Variants in NKAIN2 observed in about 807,000 individuals in gnomAD.
NKAIN2 encodes sodium/potassium transporting ATPase interacting 2, also known as sodium/potassium-transporting ATPase subunit beta-1-interacting protein 2.
Under a neutral mutation model 32.6 loss-of-function variants are expected in NKAIN2, and 14 were observed. That is an observed-to-expected ratio of 0.43 (90% CI 0.28 to 0.67). The LOEUF is 0.67. Ranked by LOEUF, NKAIN2 falls within the 30% of genes least tolerant of loss-of-function variation. NKAIN2 has a pLI of 0.17. For synonymous variants in NKAIN2, 80 were observed against 87.2 expected (o/e 0.92, Z 0.46); for missense variants, 198 against 258.3 (o/e 0.77, Z 1.60).
chr6:124,815,225 CATATATATATATATATGTATATATGT>C (rs1389800560), intron 5 of NKAIN2, among the ~76,000 whole-genome samples: 28 of 136,994 alleles, frequency 2.0e-4, no homozygotes, highest in African/African-American at 7.4e-4. Flanking sequence ...TATATATATA[CATATATATATATATATGTATATATGT>C]ATATATATAT....
intron 3 of NKAIN2, among the ~76,000 whole-genome samples, chr6:124,568,996 C>T (rs945848318): frequency 2.6e-5 from 4 of 152,172 alleles, no homozygotes; most frequent in Admixed American, 2.6e-4. Flanking sequence ...TTATTCCCAT[C>T]TCTATTGGTT....
At position 123,958,632 on chromosome 6, in the gene NKAIN2, A is replaced by T. The variant is rs147010789; in HGVS notation, c.54+154378A>T. Among the ~76,000 whole-genome samples the T allele has an allele frequency of 9.3e-4, 142 of 152,362 alleles. No individual in the cohort carries two copies. In the East Asian group the frequency reaches 0.023, roughly 25 times the overall value. ...TTTAATACTTGCACATTGGTAATTA[A>T]ATTTCAACATATGAATTTTGGAAGG... On this transcript the variant is annotated intron_variant, in intron 1 of 6. Coordinates refer to ENST00000368417, the MANE Select transcript of NKAIN2 (RefSeq NM_001040214.3).
chr6:124,745,312 G>C (rs558813267), intron 4 of NKAIN2, among the ~76,000 whole-genome samples: 1 of 151,800 alleles, frequency 6.6e-6, no homozygotes, highest in Non-Finnish European at 1.5e-5. Flanking sequence ...CAAACACTTA[G>C]AAGCATACAG....
chr6:124,012,123 T>C (rs1258310149), intron 1 of NKAIN2, among the ~76,000 whole-genome samples: 1 of 152,074 alleles, frequency 6.6e-6, no homozygotes, highest in Admixed American at 6.6e-5. Context: ...TGTATGTATA[T>C]AGCATGAAAT....
intron 3 of NKAIN2, among the ~76,000 whole-genome samples, chr6:124,366,440 T>C (rs11154231): frequency 0.23 from 35,229 of 151,666 alleles, 4,195 homozygotes; most frequent in Admixed American, 0.3. Flanking sequence ...TTAATCAAAA[T>C]CTTTTGACAG....
chr6:124,812,363 G>T lies in NKAIN2; in HGVS notation c.536-6024G>T, dbSNP rs534849299. Among the ~76,000 whole-genome samples the T allele has an allele frequency of 6.6e-5, 10 of 152,276 alleles. No homozygotes were observed. The South Asian group carries it at 2.1e-3, about 32-fold the overall frequency. On this transcript the variant is annotated intron_variant, in intron 5 of 6. Transcript: ENST00000368417. ...CTTATTTTCCTTTACAGCCTAAAGG[G>T]TCTAAGAGTTTATTTGGTAAATACC...
chr6:124,565,798 C>T (rs1780888473), intron 3 of NKAIN2, among the ~76,000 whole-genome samples: 1 of 152,156 alleles, frequency 6.6e-6, no homozygotes, highest in African/African-American at 2.4e-5. Context: ...TTAGAAGCTT[C>T]GATCCAAGGG....
At chr6:124,356,078 G>A (rs576421806) in intron 3 of NKAIN2, among the ~76,000 whole-genome samples, 97 of 152,180 alleles carry the variant, frequency 6.4e-4, no homozygotes, top group East Asian at 1.5e-3. Context: ...GTACTTCCTC[G>A]TATTTAAAAC....
intron 3 of NKAIN2, among the ~76,000 whole-genome samples, chr6:124,408,871 A>C (rs535410881): frequency 7.9e-4 from 120 of 152,180 alleles, no homozygotes; most frequent in Non-Finnish European, 1.2e-3. Flanking sequence ...CTTCTATTTC[A>C]TTGAGCAGTG....
At chr6:124,433,252 A>G (rs1170943288) in intron 3 of NKAIN2, among the ~76,000 whole-genome samples, 1 of 152,198 alleles carries the variant, frequency 6.6e-6, no homozygotes. Context: ...ATTGTATTCC[A>G]TAACTTCACT....
chr6:124,044,491 A>G (rs1264538116), intron 1 of NKAIN2, among the ~76,000 whole-genome samples: 1 of 152,028 alleles, frequency 6.6e-6, no homozygotes, highest in Non-Finnish European at 1.5e-5. Context: ...TGAGATATGG[A>G]CATTTCTTTG....
chr6:124,075,013 A>G (rs964430134), intron 1 of NKAIN2, among the ~76,000 whole-genome samples: 11 of 152,200 alleles, frequency 7.2e-5, no homozygotes, highest in Admixed American at 2.6e-4. Context: ...GGATGAACGT[A>G]CTTACTAGTT....
At position 124,186,944 on chromosome 6, in the gene NKAIN2, T is replaced by C. The variant is rs1789773744; in HGVS notation, c.55-96061T>C. 2.0e-5 allele frequency among the ~76,000 whole-genome samples: 3 copies of C among 147,846 alleles called. No individual in the cohort carries two copies. In the South Asian group the frequency reaches 6.6e-4, roughly 33 times the overall value. ...GGATACCTTAAAACAGAGAATTTTT[T>C]CTGACAAGAAAAGTACTGATGATTT... On this transcript the variant is annotated intron_variant, in intron 1 of 6. Coordinates refer to ENST00000368417, the MANE Select transcript of NKAIN2 (RefSeq NM_001040214.3).
rs575656591 is a variant in NKAIN2, at chr6:123,846,072, G to A, written c.54+41818G>A. Reference sequence around the variant, plus strand: ...TGGAAGCTTACATTTTTATATGAATGTTTTATATGCATCTTCTTTTTCTAA... The same window carrying A: ...TGGAAGCTTACATTTTTATATGAATATTTTATATGCATCTTCTTTTTCTAA... On this transcript the variant is annotated intron_variant, in intron 1 of 6. Coordinates refer to ENST00000368417, the MANE Select transcript of NKAIN2 (RefSeq NM_001040214.3). Among the ~76,000 whole-genome samples, 4 of 152,170 alleles carry A rather than the reference G, an allele frequency of 2.6e-5. No homozygotes were observed. In the South Asian group the frequency reaches 8.3e-4, roughly 32 times the overall value.
intron 4 of NKAIN2, among the ~76,000 whole-genome samples, chr6:124,711,651 C>A (rs1032094312): frequency 6.6e-6 from 1 of 151,354 alleles, no homozygotes; most frequent in Non-Finnish European, 1.5e-5. Flanking sequence ...AGTTCTCGAG[C>A]CTTGGTTTTC....
chr6:123,855,468 G>A (rs890307602), intron 1 of NKAIN2, among the ~76,000 whole-genome samples: 1 of 149,116 alleles, frequency 6.7e-6, no homozygotes, highest in African/African-American at 2.4e-5. Flanking sequence ...TTTGATTATT[G>A]CAAATTGACC....
chr6:124,740,939 G>T (rs1562357436), intron 4 of NKAIN2, among the ~76,000 whole-genome samples: 1 of 151,886 alleles, frequency 6.6e-6, no homozygotes. Context: ...CAGTTTGGAA[G>T]CTCTGAATCC....
At chr6:124,224,026 G>A (rs542182651) in intron 1 of NKAIN2, among the ~76,000 whole-genome samples, 11 of 152,196 alleles carry the variant, frequency 7.2e-5, no homozygotes, top group Non-Finnish European at 1.0e-4. Flanking sequence ...GTGGGATTTC[G>A]AAGTTTGTTT....
intron 1 of NKAIN2, among the ~76,000 whole-genome samples, chr6:124,101,085 A>G (rs1191450408): frequency 6.6e-6 from 1 of 152,220 alleles, no homozygotes; most frequent in Admixed American, 6.5e-5. Flanking sequence ...CCAACAATGC[A>G]TGGTAAAGCC....
Sources: gnomAD v4.1 joint callset for allele counts (sites outside exome capture counted in the v4.1 genomes callset) on GRCh38, gnomAD v4.1.1 for gene constraint, MANE v1.5 for transcripts, NCBI Gene and HGNC (gene_info 2026-07-23, HGNC 2026-07-21) for gene names.